Variants in ZGPAT observed in about 807,000 individuals in gnomAD.
The protein encoded by ZGPAT is zinc finger CCCH-type with G patch domain-containing protein.
Under a neutral mutation model 47.9 loss-of-function variants are expected in ZGPAT, and 39 were observed. The ratio of observed to expected loss-of-function variants is 0.81; its 90% CI spans 0.63 to 1.06. ZGPAT has a LOEUF of 1.06. Ranked by LOEUF, ZGPAT falls within the 50% of genes least tolerant of loss-of-function variation. The pLI, the probability that ZGPAT is intolerant of heterozygous loss-of-function variation, is 0.00. For missense variants in ZGPAT, 717 were observed against 681.4 expected (o/e 1.05, Z -0.58); for synonymous variants, 348 against 292.9 (o/e 1.19, Z -1.92).
chr20:63,733,130 AG>A lies in ZGPAT; in HGVS notation c.585-88del. On this transcript the variant is annotated intron_variant, in intron 2 of 6. Coordinates refer to ENST00000355969, the MANE Select transcript of ZGPAT (RefSeq NM_181485.3). The stretch of plus-strand genomic sequence containing the variant: ...CGTGTGTGTCTGTCTCCCTCAGGAC[AG>A]TGCCCAGGCGGATGGGTCAGTGCTC... The A allele has an allele frequency of 9.7e-6, 15 of 1,540,240 alleles. No homozygotes were observed. The Middle Eastern group carries it at 2.5e-3, about 253-fold the overall frequency.
intron 2 of ZGPAT, 57 bp downstream of exon 2, chr20:63,709,221 G>A: frequency 7.6e-6 from 12 of 1,585,170 alleles, no homozygotes; most frequent in Non-Finnish European, 9.4e-6. Flanking sequence ...ACGCACACAG[G>A]GTCGGGTCAG....
intron 2 of ZGPAT, among the ~76,000 whole-genome samples, chr20:63,732,465 G>A (rs2427532): frequency 0.21 from 28,407 of 133,158 alleles, 3,625 homozygotes; most frequent in East Asian, 0.63. Flanking sequence ...GCTTGTGTGC[G>A]CATGTGTGTG....
chr20:63,711,028 CTTTT>C (rs34657783), intron 2 of ZGPAT, among the ~76,000 whole-genome samples: 3 of 139,804 alleles, frequency 2.1e-5, no homozygotes, highest in Admixed American at 7.2e-5. Flanking sequence ...GAATGTCTTC[CTTTT>C]TTTTTTTTTT....
At chr20:63,733,517 G>A (rs560163470) in intron 3 of ZGPAT, 70 bp from the exon 4 acceptor site, 27 of 1,612,482 alleles carry the variant, frequency 1.7e-5, no homozygotes, top group African/African-American at 1.5e-4. Context: ...TGCTCCTCAT[G>A]TCCAGGGTGG....
Position 63,735,264 on chromosome 20 carries a change from G to C in ZGPAT, c.1097G>C (p.Arg366Thr), listed in dbSNP as rs759532004. ...GTGGAGACCCTGCAGAAGCAGACCA[G>C]GGTTGGCAAGGCTGGCACCAACAAG... ...QCVETLQKQT[R>T]VGKAGTNKPP... The change falls in exon 6 of 7, where the codon AGG (arginine) becomes ACG (threonine). Residue 366 changes from arginine (R) to threonine (T), a missense_variant. Arg to Thr is a moderately conservative substitution (Grantham distance 71). Coordinates refer to ENST00000355969, the MANE Select transcript of ZGPAT (RefSeq NM_181485.3). 108 of 1,606,940 alleles carry C rather than the reference G, an allele frequency of 6.7e-5. No individual in the cohort carries two copies. The highest frequency in any genetic ancestry group is 8.5e-5 in the Admixed American group (5 of 58,956).
At chr20:63,729,348 C>T (rs1320838448) in intron 2 of ZGPAT, among the ~76,000 whole-genome samples, 1 of 152,170 alleles carries the variant, frequency 6.6e-6, no homozygotes, top group Non-Finnish European at 1.5e-5. Flanking sequence ...ATTCAACGAC[C>T]TCTCTACTTG....
chr20:63,721,355 TAAAAAAA>T (rs201321716), intron 2 of ZGPAT, among the ~76,000 whole-genome samples: 6 of 112,248 alleles, frequency 5.3e-5, no homozygotes, highest in Admixed American at 4.4e-4. Flanking sequence ...CTGTCTCAAA[TAAAAAAA>T]AAAAAAAAAA....
intron 2 of ZGPAT, among the ~76,000 whole-genome samples, chr20:63,725,784 C>A (rs2091838937): frequency 6.8e-6 from 1 of 147,048 alleles, no homozygotes; most frequent in Non-Finnish European, 1.5e-5. Context: ...TTTTTTCCAA[C>A]CTTTTTTCTC....
At position 63,708,137 on chromosome 20, in the gene ZGPAT, C is replaced by G. The variant is rs970977027; in HGVS notation, c.-29+19C>G. ...CTAGCCGGTGAGGCCGGCGGGCTCT[C>G]TGTGGCTGCGGCTGGGAAACCGCGC... On this transcript the variant is annotated intron_variant, in intron 1 of 6. Transcript: ENST00000355969. The G allele has an allele frequency of 3.9e-5, 6 of 152,478 alleles. No homozygotes were observed. Among genetic ancestry groups the G allele is most frequent in the African/African-American group, 1.4e-4 (6 of 41,584 alleles). The allele number at this position is 152,478 out of a possible 1,614,324, so 9.4% of individuals were successfully genotyped here.
chr20:63,732,465 GCA>G, intron 2 of ZGPAT, among the ~76,000 whole-genome samples: 1 of 133,268 alleles, frequency 7.5e-6, no homozygotes, highest in East Asian at 2.1e-4. Context: ...GCTTGTGTGC[GCA>G]TGTGTGTGGG....
At chr20:63,714,606 T>C (rs1457091399) in intron 2 of ZGPAT, among the ~76,000 whole-genome samples, 1 of 152,182 alleles carries the variant, frequency 6.6e-6, no homozygotes, top group East Asian at 1.9e-4. Context: ...AATTCTCTTA[T>C]ATTCATAGTG....
intron 2 of ZGPAT, among the ~76,000 whole-genome samples, chr20:63,711,729 C>G (rs543666340): frequency 6.6e-5 from 10 of 152,076 alleles, no homozygotes; most frequent in Non-Finnish European, 1.2e-4. Flanking sequence ...ATTACAGGCG[C>G]CTGTCACCAC....
intron 2 of ZGPAT, among the ~76,000 whole-genome samples, chr20:63,721,697 C>A (rs540402637): frequency 5.3e-5 from 8 of 152,106 alleles, no homozygotes; most frequent in Admixed American, 6.6e-5. Flanking sequence ...GTCCCTCCCC[C>A]ACAACTTCAG....
At chr20:63,732,541 A>G (rs2091923742) in intron 2 of ZGPAT, among the ~76,000 whole-genome samples, 1 of 151,922 alleles carries the variant, frequency 6.6e-6, no homozygotes. Flanking sequence ...GCGTGTGCGT[A>G]TATCCATGTA....
At position 63,735,788 on chromosome 20, in the gene ZGPAT, G is replaced by A. The variant is rs776850416; in HGVS notation, c.1405G>A (p.Val469Met). ...ALARNAGRHS[V>M]ASAQLQEKLA... ...TAGTGAGCCCCTCCGCAGGCATAGC[G>A]TGGCGTCAGCCCAGCTGCAGGAGAA... Residue 469 changes from valine to methionine, a missense_variant, in exon 7 of 7, where the codon GTG (valine) becomes ATG (methionine). Val to Met is a conservative substitution (Grantham distance 21). Coordinates refer to ENST00000355969, the MANE Select transcript of ZGPAT (RefSeq NM_181485.3). 19 of 1,603,776 alleles carry A rather than the reference G, an allele frequency of 1.2e-5. No individual in the cohort carries two copies. Among genetic ancestry groups the A allele is most frequent in the Middle Eastern group, 1.7e-4 (1 of 6,020 alleles).
chr20:63,710,874 C>T (rs184732495), intron 2 of ZGPAT, among the ~76,000 whole-genome samples: 1 of 152,154 alleles, frequency 6.6e-6, no homozygotes, highest in Non-Finnish European at 1.5e-5. Flanking sequence ...TCTCTATTTC[C>T]CTAAGCGCAT....
In ZGPAT at chr20:63,716,687, G is replaced by GT. The variant is rs541530788; in HGVS notation, c.584+7530dup. ...CACCACACCCAGCTAGTTTTGTTTT[G>GT]TTTTTTTGTTTTTGAGACGGAGTCT... On this transcript the variant is annotated intron_variant, in intron 2 of 6. Transcript: ENST00000355969. Among the ~76,000 whole-genome samples the GT allele has an allele frequency of 2.2e-3, 335 of 150,768 alleles. 2 individuals carry two copies. The highest frequency in any genetic ancestry group is 8.0e-3 in the African/African-American group (329 of 41,126).
rs1456953260 is a variant in ZGPAT at position 63,708,721 on chromosome 20, C to T, written c.141C>T (p.Ile47=). The change falls in exon 2 of 7, where the codon ATC becomes ATT. Residue 47 remains isoleucine (I), a synonymous_variant. Coordinates refer to ENST00000355969, the MANE Select transcript of ZGPAT (RefSeq NM_181485.3). ...RQLQGDLKEL[I]ELTEASLVSV... is the part of the protein sequence containing the mutation. Reference sequence around the variant, plus strand: ...TGCAGGGGGACCTGAAGGAGCTCATCGAGCTCACCGAGGCCAGCCTGGTGT... The same window carrying T: ...TGCAGGGGGACCTGAAGGAGCTCATTGAGCTCACCGAGGCCAGCCTGGTGT... The T allele has an allele frequency of 6.2e-7, 1 of 1,612,756 alleles. No homozygotes were observed. Among genetic ancestry groups the T allele is most frequent in the Non-Finnish European group, 8.5e-7 (1 of 1,179,886 alleles).
intron 4 of ZGPAT, chr20:63,733,964 C>T (rs1426645052): frequency 5.1e-6 from 3 of 592,032 alleles, no homozygotes; most frequent in Non-Finnish European, 8.7e-6. Context: ...TGATGGGAGG[C>T]CATGGTCGTG....
Sources: gnomAD v4.1 joint callset for allele counts (sites outside exome capture counted in the v4.1 genomes callset) on GRCh38, gnomAD v4.1.1 for gene constraint, MANE v1.5 for transcripts, NCBI Gene and HGNC (gene_info 2026-07-23, HGNC 2026-07-21) for gene names.